LRFN2: variants seen among roughly 807,000 people sequenced by gnomAD.
LRFN2 encodes leucine-rich repeat and fibronectin type-III domain-containing protein 2.
A neutral mutation model predicts 37.3 loss-of-function variants in LRFN2; 18 were observed. The ratio of observed to expected loss-of-function variants is 0.48; its 90% CI spans 0.33 to 0.72. The LOEUF (loss-of-function observed/expected upper bound fraction) is 0.72, where lower values mean the gene tolerates loss of function less well. Among genes scored for constraint, LRFN2 ranks in the 30% least tolerant of loss-of-function variants. The pLI is 0.02. For synonymous variants in LRFN2, 556 were observed against 466.6 expected, an observed-to-expected ratio of 1.19 and a Z score of -2.47; for missense variants, 1,006 against 1,060.7, an observed-to-expected ratio of 0.95 and a Z score of 0.72.
intron 1 of LRFN2, among the ~76,000 whole-genome samples, chr6:40,458,582 C>A (rs1309927728): frequency 2.6e-5 from 4 of 152,180 alleles, no homozygotes; most frequent in African/African-American, 9.6e-5. Context: ...AATCACTAAT[C>A]ACCCTTCCTT....
chr6:40,420,946 G>T (rs1204996962), intron 2 of LRFN2, among the ~76,000 whole-genome samples: 1 of 152,218 alleles, frequency 6.6e-6, no homozygotes, highest in Admixed American at 6.5e-5. Flanking sequence ...CACCCCTAAT[G>T]GGAGCCCCTG....
chr6:40,518,009 G>T (rs1214240875), intron 1 of LRFN2, among the ~76,000 whole-genome samples: 5 of 152,142 alleles, frequency 3.3e-5, no homozygotes, highest in Non-Finnish European at 5.9e-5. Flanking sequence ...AGTAGAAGTA[G>T]TTGGTGAAGT....
At chr6:40,546,971 T>A (rs922280119) in intron 1 of LRFN2, among the ~76,000 whole-genome samples, 2 of 152,218 alleles carry the variant, frequency 1.3e-5, no homozygotes, top group Non-Finnish European at 2.9e-5. Flanking sequence ...TTCTTCCTAG[T>A]ATTACTGAGA....
chr6:40,482,649 A>G (rs1764860065), intron 1 of LRFN2, among the ~76,000 whole-genome samples: 1 of 152,076 alleles, frequency 6.6e-6, no homozygotes, highest in Non-Finnish European at 1.5e-5. Context: ...GCTCCTCTGA[A>G]GTCAGCGCTT....
Position 40,431,894 on chromosome 6 carries a change from C to A in LRFN2, c.1220G>T (p.Arg407Leu). Residue 407 changes from arginine to leucine, a missense_variant, in exon 2 of 3, where the codon CGG (arginine) becomes CTG (leucine). Arg to Leu is a moderately radical substitution (Grantham distance 102). Coordinates refer to ENST00000338305, the MANE Select transcript of LRFN2 (RefSeq NM_020737.3). ...TCCGCCCCCACTGCCTCCACCTCCC[C>A]GGCTGGTCTTGCTGGAGCCAGTGAT... is the stretch of plus-strand genomic sequence containing the variant. ...SDITGSSKTSRGGGGSGGGEP... is the reference protein window; with the variant it reads ...SDITGSSKTSLGGGGSGGGEP... 1 of 1,609,988 alleles carries A rather than the reference C, an allele frequency of 6.2e-7. No individual in the cohort carries two copies. Among genetic ancestry groups the A allele is most frequent in the East Asian group, 2.2e-5 (1 of 44,814 alleles).
chr6:40,472,944 G>T (rs183442857), intron 1 of LRFN2, among the ~76,000 whole-genome samples: 2 of 152,044 alleles, frequency 1.3e-5, no homozygotes, highest in African/African-American at 4.8e-5. Flanking sequence ...GGCTGCATCC[G>T]TCAGGAGCTC....
At chr6:40,491,647 C>A (rs1358921228) in intron 1 of LRFN2, among the ~76,000 whole-genome samples, 1 of 112,198 alleles carries the variant, frequency 8.9e-6, no homozygotes, top group Non-Finnish European at 1.8e-5. Context: ...TCCCTCTCTC[C>A]ATTTTGCTGT....
intron 2 of LRFN2, among the ~76,000 whole-genome samples, chr6:40,409,873 A>G (rs1762928865): frequency 6.6e-6 from 1 of 152,048 alleles, no homozygotes; most frequent in African/African-American, 2.4e-5. Context: ...CCGGCTGCTG[A>G]GTTGCTGCAT....
At chr6:40,562,985 G>A (rs114324758) in intron 1 of LRFN2, among the ~76,000 whole-genome samples, 4,034 of 152,134 alleles carry the variant, frequency 0.027, 89 homozygotes, top group Admixed American at 0.039. Context: ...CAGTTTGTGT[G>A]TGTCTGTGCA....
chr6:40,506,291 G>A (rs548921769), intron 1 of LRFN2, among the ~76,000 whole-genome samples: 5 of 152,246 alleles, frequency 3.3e-5, no homozygotes, highest in African/African-American at 9.6e-5. Flanking sequence ...AAAACCATCC[G>A]GGTGGATTTC....
rs150683269 is a variant in LRFN2 at position 40,392,101 on chromosome 6, C to T, written c.2212G>A (p.Val738Met). The T allele has an allele frequency of 2.9e-5, 46 of 1,613,284 alleles. No homozygotes were observed. The African/African-American group carries it at 4.7e-4, about 16-fold the overall frequency. ...CGAGGAGGACTGTAGCCGCCCGGCA[C>T]GACCCCTCCCGCCGCCGCAGCAGCA... is the stretch of plus-strand genomic sequence containing the variant. ...DFAAAAAGGV[V>M]PGGYSPPRKV... The change falls in exon 3 of 3, where the codon GTG becomes ATG. Residue 738 changes from valine (V) to methionine (M), a missense_variant. This residue lies in a region of LRFN2 where 398 missense variants were observed against 327.6 expected (regional missense o/e 1.21). Transcript: ENST00000338305. The surrounding 1 kb of genome is among the most constrained non-coding windows in gnomAD (Gnocchi z 4.7).
rs752726523 is a variant in LRFN2 at position 40,392,237 on chromosome 6, G to A, written c.2076C>T (p.His692=). 1.8e-5 allele frequency: 29 copies of A among 1,574,634 alleles called. No homozygotes were observed. Among genetic ancestry groups the A allele is most frequent in the Non-Finnish European group, 2.5e-5 (29 of 1,162,860 alleles). The change falls in exon 3 of 3, where the codon CAC becomes CAT. Residue 692 remains histidine, a synonymous_variant. Coordinates refer to ENST00000338305, the MANE Select transcript of LRFN2 (RefSeq NM_020737.3). The surrounding 1 kb of genome is among the most constrained non-coding windows in gnomAD (Gnocchi z 4.7). Reference sequence around the variant, plus strand: ...GCCCCAGCAGTGGCTCTCGGTCCGAGTGGTGGCCCCGGGCCGACGTCCCAG... The same window carrying A: ...GCCCCAGCAGTGGCTCTCGGTCCGAATGGTGGCCCCGGGCCGACGTCCCAG... ...RGAGTSARGH[H]SDREPLLGPP...
chr6:40,536,504 G>A (rs1242353996), intron 1 of LRFN2, among the ~76,000 whole-genome samples: 1 of 152,206 alleles, frequency 6.6e-6, no homozygotes, highest in Non-Finnish European at 1.5e-5. Context: ...GCTGCCTTGA[G>A]TTAGAAAAAT....
At chr6:40,459,361 T>TG (rs1272177516) in intron 1 of LRFN2, among the ~76,000 whole-genome samples, 1 of 152,240 alleles carries the variant, frequency 6.6e-6, no homozygotes, top group East Asian at 1.9e-4. Context: ...TGTGTTCCCC[T>TG]GGTCTCTCTA....
chr6:40,538,543 T>C (rs1242084287), intron 1 of LRFN2, among the ~76,000 whole-genome samples: 1 of 152,252 alleles, frequency 6.6e-6, no homozygotes, highest in Admixed American at 6.5e-5. Flanking sequence ...AACAACAAAT[T>C]GGCCACTATA....
chr6:40,575,724 A>G (rs1016106038), intron 1 of LRFN2, among the ~76,000 whole-genome samples: 3 of 152,056 alleles, frequency 2.0e-5, no homozygotes, highest in African/African-American at 4.8e-5. Context: ...CCCACCCCCA[A>G]TCCAACTCAG....
At chr6:40,435,187 T>G in intron 1 of LRFN2, among the ~76,000 whole-genome samples, 1 of 145,194 alleles carries the variant, frequency 6.9e-6, no homozygotes. Context: ...GAGAGACAGA[T>G]TCTTGCTCTG....
At chr6:40,532,803 GGGCGGAACCCT>G (rs1290102624) in intron 1 of LRFN2, among the ~76,000 whole-genome samples, 2 of 152,208 alleles carry the variant, frequency 1.3e-5, no homozygotes, top group African/African-American at 2.4e-5. Flanking sequence ...AGCTCATTAA[GGGCGGAACCCT>G]GTCAATTTTG....
At chr6:40,557,006 G>A (rs567084370) in intron 1 of LRFN2, among the ~76,000 whole-genome samples, 36 of 152,248 alleles carry the variant, frequency 2.4e-4, no homozygotes, top group African/African-American at 7.9e-4. Context: ...ATCAACACTC[G>A]AGGCCAGATG....
Sources: gnomAD v4.1 joint callset for allele counts (sites outside exome capture counted in the v4.1 genomes callset) on GRCh38, gnomAD v4.1.1 for gene constraint, gnomAD v4.1.1 regional missense constraint, Gnocchi (gnomAD v3.1) non-coding constraint, MANE v1.5 for transcripts, NCBI Gene and HGNC (gene_info 2026-07-23, HGNC 2026-07-21) for gene names.